Variants in CFAP20DC observed in about 807,000 individuals in gnomAD.
CFAP20DC encodes the protein protein CFAP20DC.
CFAP20DC carries 84 observed loss-of-function variants against 101.7 expected under a neutral mutation model. That is an observed-to-expected ratio of 0.83 (90% CI 0.69 to 0.99). The LOEUF (loss-of-function observed/expected upper bound fraction) is 0.99, where lower values mean the gene tolerates loss of function less well. Among genes scored for constraint, CFAP20DC ranks in the 50% least tolerant of loss-of-function variants. CFAP20DC has a pLI of 0.00. For synonymous variants in CFAP20DC, 359 were observed against 351.2 expected, an observed-to-expected ratio of 1.02 and a Z score of -0.25; for missense variants, 1,007 against 970.3, an observed-to-expected ratio of 1.04 and a Z score of -0.50.
At chr3:58,926,290 T>C (rs2085959004) in intron 5 of CFAP20DC, among the ~76,000 whole-genome samples, 1 of 151,354 alleles carries the variant, frequency 6.6e-6, no homozygotes, top group African/African-American at 2.4e-5. Flanking sequence ...TGTTTGAACC[T>C]GAGAGGCAGA....
At chr3:58,767,106 A>G (rs2070391479) in intron 15 of CFAP20DC, among the ~76,000 whole-genome samples, 1 of 152,142 alleles carries the variant, frequency 6.6e-6, no homozygotes, top group South Asian at 2.1e-4. Context: ...TGCTCCCTCA[A>G]TATTTGCCAA....
At position 59,047,224 on chromosome 3, in the gene CFAP20DC, G is replaced by C; in HGVS notation, c.52C>G (p.Gln18Glu). Residue 18 changes from glutamine (Q) to glutamate (E), a missense_variant, in exon 2 of 17, where the codon CAA becomes GAA. Physicochemically the swap from Gln to Glu is conservative, Grantham distance 29 (BLOSUM62 2). Coordinates refer to ENST00000482387, the MANE Select transcript of CFAP20DC (RefSeq NM_001394063.1). The part of the protein sequence containing the change: ...GGAFVEIFSA[Q>E]GKNPGAKWKI... Reference sequence around the variant, plus strand: ...CATTTTGCTCCAGGATTTTTTCCTTGAGCACTGAAAATTTCAACAAATGCA... The same window carrying C: ...CATTTTGCTCCAGGATTTTTTCCTTCAGCACTGAAAATTTCAACAAATGCA... 6.5e-7 allele frequency: 1 copy of C among 1,535,022 alleles called. No individual in the cohort carries two copies. The highest frequency in any genetic ancestry group is 1.2e-5 in the South Asian group (1 of 83,962).
At chr3:58,926,411 A>G (rs1424861464) in intron 5 of CFAP20DC, among the ~76,000 whole-genome samples, 1 of 152,092 alleles carries the variant, frequency 6.6e-6, no homozygotes, top group Non-Finnish European at 1.5e-5. Context: ...AAATAATAAT[A>G]TTCACATAAA....
intron 15 of CFAP20DC, among the ~76,000 whole-genome samples, chr3:58,773,446 CT>C (rs1278229385): frequency 1.3e-5 from 2 of 150,550 alleles, no homozygotes; most frequent in Non-Finnish European, 2.9e-5. Context: ...GCTTGGGCTA[CT>C]TGGGGGGCTG....
chr3:58,867,340 T>C (rs116528242), intron 10 of CFAP20DC, among the ~76,000 whole-genome samples: 187 of 152,308 alleles, frequency 1.2e-3, no homozygotes, highest in African/African-American at 4.3e-3. Context: ...ATTTGTCTAA[T>C]GCTTTACCAG....
At chr3:59,031,457 T>C (rs1375353483) in intron 4 of CFAP20DC, among the ~76,000 whole-genome samples, 1 of 152,222 alleles carries the variant, frequency 6.6e-6, no homozygotes, top group Non-Finnish European at 1.5e-5. Flanking sequence ...AATAAAGTTT[T>C]GTGTGATCCC....
rs141828176 is a variant in CFAP20DC, at chr3:59,030,008, T to C, written c.278+9549A>G. Among the ~76,000 whole-genome samples the C allele has an allele frequency of 5.4e-4, 82 of 152,214 alleles. 1 individual carries two copies. The East Asian group carries it at 9.5e-3, about 18-fold the overall frequency. The stretch of plus-strand genomic sequence containing the variant: ...AATCATCCAGTGGGCATGGGAGACA[T>C]AGAAAGATGCTGAGGAAATGATGAC... On this transcript the variant is annotated intron_variant, in intron 4 of 16. Transcript: ENST00000482387.
chr3:58,807,371 T>A (rs1414947037), intron 14 of CFAP20DC, among the ~76,000 whole-genome samples: 2 of 152,042 alleles, frequency 1.3e-5, no homozygotes. Context: ...AGATAAAACT[T>A]CCAGAGGAAC....
chr3:58,951,234 G>A (rs2090067852), intron 4 of CFAP20DC, among the ~76,000 whole-genome samples: 1 of 152,184 alleles, frequency 6.6e-6, no homozygotes, highest in Admixed American at 6.5e-5. Flanking sequence ...TTAGAATGGT[G>A]ATCATTAAAA....
rs1320150493 is a variant in CFAP20DC, at chr3:58,729,206, G to A, written c.198-11578C>T. On this transcript the variant is annotated intron_variant, in intron 3 of 3. Coordinates refer to the CFAP20DC transcript ENST00000486145. The surrounding 1 kb of genome is among the most constrained non-coding windows in gnomAD (Gnocchi z 4.4). Reference sequence around the variant, plus strand: ...CTTATTTTAAGCAACTAAGTTTTAGGGTAATGTGTTATGCAGCAATAGACA... The same window carrying A: ...CTTATTTTAAGCAACTAAGTTTTAGAGTAATGTGTTATGCAGCAATAGACA... Among the ~76,000 whole-genome samples the A allele has an allele frequency of 6.6e-6, 1 of 152,008 alleles. No individual in the cohort carries two copies. Among genetic ancestry groups the A allele is most frequent in the Non-Finnish European group, 1.5e-5 (1 of 67,986 alleles).
chr3:58,782,996 G>T (rs1415969434), intron 15 of CFAP20DC, among the ~76,000 whole-genome samples: 2 of 151,736 alleles, frequency 1.3e-5, no homozygotes, highest in Non-Finnish European at 1.5e-5. Context: ...CAAAAACAAA[G>T]CTGTGAGGCA....
At chr3:59,034,114 G>C (rs2094048948) in intron 4 of CFAP20DC, among the ~76,000 whole-genome samples, 2 of 152,134 alleles carry the variant, frequency 1.3e-5, no homozygotes, top group African/African-American at 4.8e-5. Flanking sequence ...AAGCAAAGGA[G>C]AAATAAAATC....
intron 4 of CFAP20DC, among the ~76,000 whole-genome samples, chr3:58,992,318 T>A (rs2092966897): frequency 6.6e-6 from 1 of 152,190 alleles, no homozygotes; most frequent in African/African-American, 2.4e-5. Flanking sequence ...ATATACCAAT[T>A]TGACATTGCT....
At chr3:58,958,941 A>G (rs2090894474) in intron 4 of CFAP20DC, among the ~76,000 whole-genome samples, 1 of 151,876 alleles carries the variant, frequency 6.6e-6, no homozygotes. Flanking sequence ...TTGAAACACA[A>G]CATTTTAAAA....
At chr3:58,999,235 G>A (rs375206987) in intron 4 of CFAP20DC, among the ~76,000 whole-genome samples, 1 of 152,198 alleles carries the variant, frequency 6.6e-6, no homozygotes, top group Non-Finnish European at 1.5e-5. Context: ...TTTATGTGGT[G>A]GAAAATTAGA....
chr3:58,942,878 G>T (rs1446426088), intron 4 of CFAP20DC, among the ~76,000 whole-genome samples: 1 of 152,206 alleles, frequency 6.6e-6, no homozygotes, highest in Non-Finnish European at 1.5e-5. Context: ...GGGCACTAGA[G>T]TTTGGTGGGG....
Position 58,765,507 on chromosome 3 carries a change from A to AC in CFAP20DC, c.2238-11645dup, listed in dbSNP as rs372567709. 1.8e-3 allele frequency among the ~76,000 whole-genome samples: 260 copies of AC among 146,582 alleles called. 3 individuals carry two copies. Among genetic ancestry groups the AC allele is most frequent in the East Asian group, 5.9e-3 (27 of 4,548 alleles). On this transcript the variant is annotated intron_variant, in intron 15 of 16. Coordinates refer to ENST00000482387, the MANE Select transcript of CFAP20DC (RefSeq NM_001394063.1). ...AAAAAAACCAAAAAAAAAAAAAAAA[A>AC]CAAACAGAAACACAAAACATGAGCT...
At chr3:58,780,801 C>T (rs956162575) in intron 15 of CFAP20DC, among the ~76,000 whole-genome samples, 25 of 151,952 alleles carry the variant, frequency 1.6e-4, no homozygotes, top group African/African-American at 5.1e-4. Flanking sequence ...ATTACTAAAT[C>T]TAAAGGGAGA....
At chr3:58,749,853 A>G (rs17059794) in intron 16 of CFAP20DC, among the ~76,000 whole-genome samples, 15,349 of 152,252 alleles carry the variant, frequency 0.1, 1,331 homozygotes, top group East Asian at 0.35. Context: ...AGTTTTCTCA[A>G]ATAAGTTCTG....
Sources: gnomAD v4.1 joint callset for allele counts (sites outside exome capture counted in the v4.1 genomes callset) on GRCh38, gnomAD v4.1.1 for gene constraint, Gnocchi (gnomAD v3.1) non-coding constraint, MANE v1.5 for transcripts, NCBI Gene and HGNC (gene_info 2026-07-23, HGNC 2026-07-21) for gene names.